PTBP3: variants seen among roughly 807,000 people sequenced by gnomAD.
The protein encoded by PTBP3 is polypyrimidine tract binding protein 3.
PTBP3 carries 20 observed loss-of-function variants against 58.7 expected under a neutral mutation model. That is an observed-to-expected ratio of 0.34 (90% confidence interval 0.24 to 0.50). The LOEUF (loss-of-function observed/expected upper bound fraction) is 0.50, where lower values mean the gene tolerates loss of function less well. PTBP3 is among the 20% of genes least tolerant of loss of function. The probability of loss-of-function intolerance (pLI) is 0.98; values close to 1 mark genes in which losing one functional copy is unlikely to be tolerated. For synonymous variants in PTBP3, 185 were observed against 219.8 expected, an observed-to-expected ratio of 0.84 and a Z score of 1.40; for missense variants, 509 against 637.2, an observed-to-expected ratio of 0.80 and a Z score of 2.17.
chr9:112,323,684 T>C (rs541293419), intron 1 of PTBP3, among the ~76,000 whole-genome samples: 2 of 152,300 alleles, frequency 1.3e-5, no homozygotes, highest in African/African-American at 4.8e-5. Flanking sequence ...AAGGAATCAA[T>C]GAGCTTGAAG....
intron 2 of PTBP3, among the ~76,000 whole-genome samples, chr9:112,291,748 C>A (rs1395182845): frequency 6.6e-6 from 1 of 152,034 alleles, no homozygotes; most frequent in African/African-American, 2.4e-5. Flanking sequence ...AGACATAAGA[C>A]CTGAAACTAT....
At chr9:112,371,341 T>C in the PTBP3 span, among the ~76,000 whole-genome samples, 1 of 152,236 alleles carries the variant, frequency 6.6e-6, no homozygotes, top group Non-Finnish European at 1.5e-5. Context: ...TGCCTCATTC[T>C]ACATCCTTGA....
intron 7 of PTBP3, among the ~76,000 whole-genome samples, chr9:112,241,437 A>C (rs1835657240): frequency 6.6e-6 from 1 of 152,168 alleles, no homozygotes; most frequent in Non-Finnish European, 1.5e-5. Context: ...GGAAATAAAA[A>C]TATTACTTCC....
chr9:112,250,009 T>C (rs924276109), intron 7 of PTBP3, among the ~76,000 whole-genome samples: 1 of 152,120 alleles, frequency 6.6e-6, no homozygotes, highest in African/African-American at 2.4e-5. Flanking sequence ...AATCATTCCC[T>C]TGGCTTTTTA....
intron 3 of PTBP3, among the ~76,000 whole-genome samples, chr9:112,269,191 T>A (rs1827258438): frequency 1.2e-5 from 1 of 81,800 alleles, no homozygotes; most frequent in Admixed American, 1.3e-4. Flanking sequence ...AGCGAAACTC[T>A]GTCTCAAAAA....
At position 112,232,037 on chromosome 9, in the gene PTBP3, G is replaced by GAA. The variant is rs1388822869; in HGVS notation, c.1020+60_1020+61dup. Reference sequence around the variant, plus strand: ...AAGAGAAGAAAAGAAAAGAAAGAAAGAAAAAAGTGCTACTATACCTTCTCC... The same window carrying GAA: ...AAGAGAAGAAAAGAAAAGAAAGAAAGAAAAAAAAGTGCTACTATACCTTCTCC... On this transcript the variant is annotated intron_variant, in intron 9 of 13. Transcript: ENST00000374257. 22 of 1,325,360 alleles carry GAA rather than the reference G, an allele frequency of 1.7e-5. No individual in the cohort carries two copies. In the Admixed American group the frequency reaches 5.2e-4, roughly 31 times the overall value. The allele number at this position is 1,325,360 out of a possible 1,614,324, so 82.1% of individuals were successfully genotyped here.
chr9:112,297,577 T>A (rs1328401926), intron 2 of PTBP3, among the ~76,000 whole-genome samples: 1 of 152,190 alleles, frequency 6.6e-6, no homozygotes, highest in Non-Finnish European at 1.5e-5. Context: ...AGTATTTTTA[T>A]CAAAATTATG....
chr9:112,244,289 C>CCAAAAAAAAAAAAAA (rs569972379), intron 7 of PTBP3, among the ~76,000 whole-genome samples: 2 of 36,320 alleles, frequency 5.5e-5, no homozygotes, highest in Non-Finnish European at 1.0e-4. Flanking sequence ...GACTCTGTCT[C>CCAAAAAAAAAAAAAA]AAAAAAAAAA....
At chr9:112,348,763 C>A in the PTBP3 span, among the ~76,000 whole-genome samples, 1 of 152,176 alleles carries the variant, frequency 6.6e-6, no homozygotes, top group Admixed American at 6.5e-5. Flanking sequence ...GCCCTTCTTT[C>A]AAATCCTTTT....
At chr9:112,340,604 C>G in the PTBP3 span, among the ~76,000 whole-genome samples, 1 of 152,070 alleles carries the variant, frequency 6.6e-6, no homozygotes, top group Admixed American at 6.5e-5. Flanking sequence ...TGTTTAGGGC[C>G]GGGTGCAGTG....
intron 12 of PTBP3, 94 bp from the exon 13 acceptor site, chr9:112,224,304 CAAACAGAATTATT>C (rs1233840609): frequency 1.1e-5 from 8 of 743,780 alleles, no homozygotes; most frequent in Non-Finnish European, 1.7e-5. Context: ...GAGTACATTT[CAAACAGAATTATT>C]AAGCCATATG....
intron 2 of PTBP3, among the ~76,000 whole-genome samples, chr9:112,285,831 A>G (rs1050954738): frequency 6.6e-6 from 1 of 152,228 alleles, no homozygotes; most frequent in Admixed American, 6.5e-5. Flanking sequence ...GCCCACAGGT[A>G]AGAACTTGCC....
the PTBP3 span, among the ~76,000 whole-genome samples, chr9:112,353,460 T>C: frequency 2.2e-5 from 3 of 138,494 alleles, no homozygotes; most frequent in Non-Finnish European, 1.6e-5. Context: ...TGGCCAGGCT[T>C]GTCTCAAACT....
chr9:112,285,528 A>G (rs771047684), intron 2 of PTBP3, among the ~76,000 whole-genome samples: 1 of 152,170 alleles, frequency 6.6e-6, no homozygotes, highest in South Asian at 2.1e-4. Flanking sequence ...AAAAATTTCT[A>G]TATTAGGGAT....
rs1834818065 is a variant in PTBP3 at position 112,221,808 on chromosome 9, T to A, written c.*2043A>T. 1 of 985,088 alleles carries A rather than the reference T, an allele frequency of 1.0e-6. No homozygotes were observed. Among genetic ancestry groups the A allele is most frequent in the Non-Finnish European group, 1.2e-6 (1 of 829,594 alleles). The allele number at this position is 985,088 out of a possible 1,614,324, so 61.0% of individuals were successfully genotyped here. ...TCTGCTTTTTAAACAATCTGTATCA[T>A]CTCTTGCAGTCTCTATTTTTTGGTA... On this transcript the variant is annotated 3_prime_UTR_variant, in exon 14 of 14. Coordinates refer to ENST00000374257, the MANE Select transcript of PTBP3 (RefSeq NM_001163788.4).
chr9:112,317,129 T>A (rs1027975489), intron 1 of PTBP3, among the ~76,000 whole-genome samples: 1 of 150,006 alleles, frequency 6.7e-6, no homozygotes, highest in Non-Finnish European at 1.5e-5. Context: ...AAAATGTTTT[T>A]AAAACATTAG....
intron 1 of PTBP3, among the ~76,000 whole-genome samples, chr9:112,320,314 A>ATATATATTT: frequency 9.5e-4 from 72 of 75,688 alleles, no homozygotes; most frequent in African/African-American, 2.5e-3. Flanking sequence ...ATATATATAT[A>ATATATATTT]TTTTTTTTTA....
At chr9:112,349,704 C>T in the PTBP3 span, among the ~76,000 whole-genome samples, 28 of 151,582 alleles carry the variant, frequency 1.8e-4, no homozygotes, top group African/African-American at 6.8e-4. Flanking sequence ...ACCAAAAATA[C>T]AACAATTAGT....
At chr9:112,257,302 C>A (rs921041789) in intron 5 of PTBP3, among the ~76,000 whole-genome samples, 1 of 152,032 alleles carries the variant, frequency 6.6e-6, no homozygotes, top group African/African-American at 2.4e-5. Flanking sequence ...TCTAGGAATG[C>A]CTGAGGTGTG....
Sources: gnomAD v4.1 joint callset for allele counts (sites outside exome capture counted in the v4.1 genomes callset) on GRCh38, gnomAD v4.1.1 for gene constraint, MANE v1.5 for transcripts, NCBI Gene and HGNC (gene_info 2026-07-23, HGNC 2026-07-21) for gene names.